OSBPL6: variants seen among roughly 807,000 people sequenced by gnomAD.
OSBPL6 encodes oxysterol-binding protein-related protein 6.
OSBPL6 carries 49 observed loss-of-function variants against 125.8 expected under a neutral mutation model. The observed-to-expected ratio is 0.39, with a 90% CI of 0.31 to 0.49. OSBPL6 has a LOEUF of 0.49. OSBPL6 is among the 20% of genes least tolerant of loss of function. OSBPL6 has a pLI of 0.88. For synonymous variants in OSBPL6, 394 were observed against 391.8 expected (o/e 1.01, Z -0.07); for missense variants, 986 against 1,135.4 (o/e 0.87, Z 1.89).
At chr2:178,265,034 ATT>A (rs796468758) in intron 1 of OSBPL6, among the ~76,000 whole-genome samples, 1 of 142,342 alleles carries the variant, frequency 7.0e-6, no homozygotes, top group Non-Finnish European at 1.5e-5. Flanking sequence ...GTACTGGCTG[ATT>A]TTTTTTTTCA....
At chr2:178,246,089 T>C (rs1321096029) in intron 1 of OSBPL6, among the ~76,000 whole-genome samples, 1 of 152,180 alleles carries the variant, frequency 6.6e-6, no homozygotes, top group Non-Finnish European at 1.5e-5. Context: ...GTGTTTGACC[T>C]TACCACCTGC....
intron 20 of OSBPL6, among the ~76,000 whole-genome samples, chr2:178,387,982 T>C (rs147804436): frequency 0.051 from 7,699 of 151,662 alleles, 296 homozygotes; most frequent in East Asian, 0.14. Flanking sequence ...CCAGCCTGGG[T>C]GACAGAGCAA....
intron 1 of OSBPL6, among the ~76,000 whole-genome samples, chr2:178,202,206 G>A (rs893905149): frequency 6.6e-6 from 1 of 152,096 alleles, no homozygotes; most frequent in African/African-American, 2.4e-5. Context: ...TATTTACTAT[G>A]TATTTACCAT....
chr2:178,251,625 G>A (rs1218765571), intron 1 of OSBPL6, among the ~76,000 whole-genome samples: 1 of 152,104 alleles, frequency 6.6e-6, no homozygotes, highest in Non-Finnish European at 1.5e-5. Context: ...GATCTTTTAA[G>A]GCTCACAGAA....
At chr2:178,390,975 A>G in intron 21 of OSBPL6, 98 bp from the exon 22 acceptor site, 1 of 1,469,180 alleles carries the variant, frequency 6.8e-7, no homozygotes, top group South Asian at 1.2e-5. Flanking sequence ...TGGTTTGAAT[A>G]AGGGACTTCA....
chr2:178,296,944 A>G (rs1408954798), intron 2 of OSBPL6, among the ~76,000 whole-genome samples: 3 of 152,150 alleles, frequency 2.0e-5, no homozygotes, highest in Non-Finnish European at 4.4e-5. Context: ...ATTCTGGAGG[A>G]TGACAGGTTT....
chr2:178,331,839 A>G (rs1223615518), intron 6 of OSBPL6, among the ~76,000 whole-genome samples: 1 of 152,192 alleles, frequency 6.6e-6, no homozygotes, highest in African/African-American at 2.4e-5. Context: ...CTTAAAAGTG[A>G]CGCATGAGTA....
rs938721615 is a variant in OSBPL6, at chr2:178,305,969, A to G, written c.-155-61A>G. The G allele has an allele frequency of 7.7e-6, 3 of 391,594 alleles. No individual in the cohort carries two copies. The Admixed American group carries it at 1.3e-4, about 17-fold the overall frequency. The allele number at this position is 391,594 out of a possible 1,614,324, so 24.3% of individuals were successfully genotyped here. On this transcript the variant is annotated intron_variant, in intron 2 of 24. Coordinates refer to ENST00000190611, the MANE Select transcript of OSBPL6 (RefSeq NM_032523.4). The stretch of plus-strand genomic sequence containing the variant: ...AACACAAATTAATATTTCATCCTAA[A>G]GATAATGATTTTAATTTGACTTTTA...
At chr2:178,360,006 G>C (rs1574965790) in intron 12 of OSBPL6, among the ~76,000 whole-genome samples, 1 of 152,074 alleles carries the variant, frequency 6.6e-6, no homozygotes, top group Non-Finnish European at 1.5e-5. Context: ...AGAATTGCTT[G>C]AACACAGGAG....
chr2:178,379,296 GAAGAAAGA>G (rs781010352), intron 15 of OSBPL6, among the ~76,000 whole-genome samples: 2 of 119,338 alleles, frequency 1.7e-5, no homozygotes, highest in African/African-American at 6.2e-5. Flanking sequence ...AAGAAAGAAA[GAAGAAAGA>G]AAGAAACAGG....
chr2:178,286,968 CATGCGTAATGTTTCTGTCAA>C, intron 2 of OSBPL6, among the ~76,000 whole-genome samples: 1 of 17,868 alleles, frequency 5.6e-5, no homozygotes, highest in East Asian at 3.2e-3. Context: ...AAATGAAATT[CATGCGTAATGTTTCTGTCAA>C]TTTGATATTG....
chr2:178,256,103 G>A (rs2091879355), intron 1 of OSBPL6, among the ~76,000 whole-genome samples: 2 of 152,178 alleles, frequency 1.3e-5, no homozygotes, highest in Admixed American at 1.3e-4. Context: ...GGTTTCCTGG[G>A]CTGATACAGA....
At position 178,225,154 on chromosome 2, in the gene OSBPL6, A is replaced by C. The variant is rs190956181; in HGVS notation, c.-351+30480A>C. On this transcript the variant is annotated intron_variant, in intron 1 of 24. Coordinates refer to ENST00000190611, the MANE Select transcript of OSBPL6 (RefSeq NM_032523.4). ...TGAATGAATGCAGATGCTAATAGGC[A>C]GAAAGGCATTGTGTAGCCCTGGGAT... is the stretch of plus-strand genomic sequence containing the variant. Among the ~76,000 whole-genome samples, 138 of 152,206 alleles carry C rather than the reference A, an allele frequency of 9.1e-4. 2 individuals are homozygous for C. Among genetic ancestry groups the C allele is most frequent in the African/African-American group, 3.1e-3 (130 of 41,532 alleles).
At chr2:178,317,463 T>C (rs1429910223) in intron 3 of OSBPL6, among the ~76,000 whole-genome samples, 1 of 130,378 alleles carries the variant, frequency 7.7e-6, no homozygotes, top group African/African-American at 3.0e-5. Context: ...TATATATATA[T>C]ATATATATAT....
At chr2:178,289,210 G>A (rs1004379425) in intron 2 of OSBPL6, among the ~76,000 whole-genome samples, 2 of 150,374 alleles carry the variant, frequency 1.3e-5, no homozygotes, top group East Asian at 4.0e-4. Flanking sequence ...TAGAGATGGG[G>A]TTTCACCATA....
At chr2:178,250,957 A>T (rs2091671396) in intron 1 of OSBPL6, among the ~76,000 whole-genome samples, 1 of 151,720 alleles carries the variant, frequency 6.6e-6, no homozygotes, top group Non-Finnish European at 1.5e-5. Context: ...AAATATTGGA[A>T]TAAAAAAAAA....
At chr2:178,341,310 C>T (rs1348873298) in intron 11 of OSBPL6, among the ~76,000 whole-genome samples, 1 of 150,852 alleles carries the variant, frequency 6.6e-6, no homozygotes, top group Non-Finnish European at 1.5e-5. Flanking sequence ...TCTAGGAGCT[C>T]CACTAGAGAC....
At chr2:178,308,704 A>G (rs965676616) in intron 3 of OSBPL6, among the ~76,000 whole-genome samples, 6 of 152,172 alleles carry the variant, frequency 3.9e-5, no homozygotes, top group South Asian at 2.1e-4. Flanking sequence ...TCCAGGGTCA[A>G]TGTCTGTCTT....
chr2:178,396,723 T>C lies in OSBPL6; in HGVS notation c.*1164T>C, dbSNP rs999558444. The C allele has an allele frequency of 3.9e-5, 6 of 152,354 alleles. No homozygotes were observed. The highest frequency in any genetic ancestry group is 1.2e-4 in the African/African-American group (5 of 41,580). 9.4% of individuals were successfully genotyped at this position (152,354 alleles called of 1,614,324 possible). On this transcript the variant is annotated 3_prime_UTR_variant, in exon 25 of 25. Coordinates refer to ENST00000190611, the MANE Select transcript of OSBPL6 (RefSeq NM_032523.4). ...TCATCAAGTGATTCCATATGGTACA[T>C]GGCTACATATTAAGCATTTACCTTG...
Sources: gnomAD v4.1 joint callset for allele counts (sites outside exome capture counted in the v4.1 genomes callset) on GRCh38, gnomAD v4.1.1 for gene constraint, MANE v1.5 for transcripts, NCBI Gene and HGNC (gene_info 2026-07-23, HGNC 2026-07-21) for gene names.